Variants in FANCF observed in about 807,000 individuals in gnomAD.
FANCF encodes the protein Fanconi anemia group F protein.
For missense variants in FANCF, 552 were observed against 481.8 expected (o/e 1.15, Z -1.36); for synonymous variants, 257 against 205.9 (o/e 1.25, Z -2.13).
At position 22,624,555 on chromosome 11, in the gene FANCF, A is replaced by AT. The variant is rs1565054705; in HGVS notation, c.*130_*131insA. ...CTACTTTGCATATTTATAACTGTTT[A>AT]ATAAACTATTCAAAATTAGCATCTA... On this transcript the variant is annotated 3_prime_UTR_variant, in exon 1 of 1. Coordinates refer to ENST00000327470, the MANE Select transcript of FANCF (RefSeq NM_022725.4). 1 of 838,294 alleles carries AT rather than the reference A, an allele frequency of 1.2e-6. No individual in the cohort carries two copies. Among genetic ancestry groups the AT allele is most frequent in the African/African-American group, 1.7e-5 (1 of 58,486 alleles). The allele number at this position is 838,294 out of a possible 1,614,324, so 51.9% of individuals were successfully genotyped here. A position where few individuals can be genotyped will look rare whatever the true frequency, so the allele number is the denominator to read the frequency against.
chr11:22,624,931 A>G lies in FANCF; in HGVS notation c.880T>C (p.Trp294Arg). The change falls in exon 1 of 1, where the codon TGG becomes CGG. Residue 294 changes from tryptophan (W) to arginine (R), a missense_variant. Coordinates refer to ENST00000327470, the MANE Select transcript of FANCF (RefSeq NM_022725.4). ...RLHYDLQKGIWVGTESQDVPW... is the reference protein window; with the variant it reads ...RLHYDLQKGIRVGTESQDVPW... ...ACATCTTGGGACTCAGTTCCAACCCAAATGCCTTTCTGAAGGTCATAGTGC... is the reference window on the plus strand; with the variant it reads ...ACATCTTGGGACTCAGTTCCAACCCGAATGCCTTTCTGAAGGTCATAGTGC... 1 of 1,614,142 alleles carries G rather than the reference A, an allele frequency of 6.2e-7. No homozygotes were observed. The highest frequency in any genetic ancestry group is 1.1e-5 in the South Asian group (1 of 91,084).
Position 22,623,390 on chromosome 11 carries a change from T to C in FANCF, c.*1296A>G, listed in dbSNP as rs1480781148. ...ATCCTCTTACCAGCTAACCTGGATA[T>C]GGACAAAAATATCTTGATTGCTGTA... On this transcript the variant is annotated 3_prime_UTR_variant, in exon 1 of 1. Transcript: ENST00000327470. 1 of 201,616 alleles carries C rather than the reference T, an allele frequency of 5.0e-6. No individual in the cohort carries two copies. Among genetic ancestry groups the C allele is most frequent in the Non-Finnish European group, 1.0e-5 (1 of 98,118 alleles). The allele number at this position is 201,616 out of a possible 1,614,324, so 12.5% of individuals were successfully genotyped here. A position where few individuals can be genotyped will look rare whatever the true frequency, so the allele number is the denominator to read the frequency against.
chr11:22,624,566 C>A lies in FANCF; in HGVS notation c.*120G>T. The A allele has an allele frequency of 1.1e-6, 1 of 906,798 alleles. No homozygotes were observed. The allele number at this position is 906,798 out of a possible 1,614,324, so 56.2% of individuals were successfully genotyped here. On this transcript the variant is annotated 3_prime_UTR_variant, in exon 1 of 1. Coordinates refer to ENST00000327470, the MANE Select transcript of FANCF (RefSeq NM_022725.4). ...ATTTATAACTGTTTAATAAACTATT[C>A]AAAATTAGCATCTAAAATAATTATA... is the stretch of plus-strand genomic sequence containing the variant.
Position 22,625,265 on chromosome 11 carries a change from C to T in FANCF, c.546G>A (p.Ala182=), listed in dbSNP as rs1858626450. 6.2e-7 allele frequency: 1 copy of T among 1,614,064 alleles called. No individual in the cohort carries two copies. The highest frequency in any genetic ancestry group is 1.3e-5 in the African/African-American group (1 of 74,958). ...ERLQEVGKAE[A]ERPARFLSSL... is the part of the protein sequence containing the mutation. Reference sequence around the variant, plus strand: ...TGCTGAGAAACCTGGCGGGACGCTCCGCTTCGGCCTTCCCCACCTCCTGCA... The same window carrying T: ...TGCTGAGAAACCTGGCGGGACGCTCTGCTTCGGCCTTCCCCACCTCCTGCA... The change falls in exon 1 of 1, where the codon GCG becomes GCA. Residue 182 remains alanine, a synonymous_variant. Coordinates refer to ENST00000327470, the MANE Select transcript of FANCF (RefSeq NM_022725.4).
Position 22,625,775 on chromosome 11 carries a change from G to A in FANCF, c.36C>T (p.Ser12=), listed in dbSNP as rs1353229536. 15 of 1,614,000 alleles carry A rather than the reference G, an allele frequency of 9.3e-6. No individual in the cohort carries two copies. The highest frequency in any genetic ancestry group is 2.7e-5 in the African/African-American group (2 of 74,922). Reference sequence around the variant, plus strand: ...TAGTGCTTGAGACCGCCAGAAGCTCGGAAAAGCGATCCAGGTGCTGCAGAA... The same window carrying A: ...TAGTGCTTGAGACCGCCAGAAGCTCAGAAAAGCGATCCAGGTGCTGCAGAA... The part of the protein sequence containing the change: ...ESLLQHLDRF[S]ELLAVSSTTY... Residue 12 remains serine, a synonymous_variant, in exon 1 of 1, where the codon TCC becomes TCT. Coordinates refer to ENST00000327470, the MANE Select transcript of FANCF (RefSeq NM_022725.4).
rs1052722344 is a variant in FANCF at position 22,622,753 on chromosome 11, A to T, written c.*1933T>A. 1 of 192,880 alleles carries T rather than the reference A, an allele frequency of 5.2e-6. No individual in the cohort carries two copies. Among genetic ancestry groups the T allele is most frequent in the Non-Finnish European group, 1.1e-5 (1 of 92,470 alleles). The allele number at this position is 192,880 out of a possible 1,614,324, so 11.9% of individuals were successfully genotyped here. A position where few individuals can be genotyped will look rare whatever the true frequency, so the allele number is the denominator to read the frequency against. ...GTTTATACCCTTGGGCATTTTACTTAATCTTTTAGCGTATATTCATAAGAA... is the reference window on the plus strand; with the variant it reads ...GTTTATACCCTTGGGCATTTTACTTTATCTTTTAGCGTATATTCATAAGAA... On this transcript the variant is annotated 3_prime_UTR_variant, in exon 1 of 1. Coordinates refer to ENST00000327470, the MANE Select transcript of FANCF (RefSeq NM_022725.4).
In FANCF at chr11:22,622,965, G is replaced by A. The variant is rs1357123972; in HGVS notation, c.*1721C>T. 5.0e-6 allele frequency: 1 copy of A among 200,364 alleles called. No homozygotes were observed. Among genetic ancestry groups the A allele is most frequent in the Non-Finnish European group, 1.0e-5 (1 of 97,330 alleles). The allele number at this position is 200,364 out of a possible 1,614,324, so 12.4% of individuals were successfully genotyped here. On this transcript the variant is annotated 3_prime_UTR_variant, in exon 1 of 1. Transcript: ENST00000327470. The stretch of plus-strand genomic sequence containing the variant: ...TACAGCTGCAAATATAGGGAAGTAA[G>A]TTCACAAACTGTTATTTTCTAAAGC...
Position 22,624,945 on chromosome 11 carries a change from A to T in FANCF, c.866T>A (p.Leu289His), listed in dbSNP as rs1177443868. 1.2e-6 allele frequency: 2 copies of T among 1,614,190 alleles called. No homozygotes were observed. The highest frequency in any genetic ancestry group is 8.5e-7 in the Non-Finnish European group (1 of 1,180,034). ...TDWGQRLHYDLQKGIWVGTES... is the reference protein window; with the variant it reads ...TDWGQRLHYDHQKGIWVGTES... ...AGTTCCAACCCAAATGCCTTTCTGAAGGTCATAGTGCAAACGTTGACCCCA... is the reference window on the plus strand; with the variant it reads ...AGTTCCAACCCAAATGCCTTTCTGATGGTCATAGTGCAAACGTTGACCCCA... Residue 289 changes from leucine (L) to histidine (H), a missense_variant, in exon 1 of 1, where the codon CTT becomes CAT. Leu to His is a moderately conservative substitution (Grantham distance 99). Transcript: ENST00000327470.
rs1200307295 is a variant in FANCF, at chr11:22,623,834, A to C, written c.*852T>G. ...ATGGTGAAACCCCGTCTCTACTAAA[A>C]ATACAAAAAATTAGCCGGGCATGGT... On this transcript the variant is annotated 3_prime_UTR_variant, in exon 1 of 1. Coordinates refer to ENST00000327470, the MANE Select transcript of FANCF (RefSeq NM_022725.4). 5.5e-6 allele frequency: 1 copy of C among 182,124 alleles called. No homozygotes were observed. The highest frequency in any genetic ancestry group is 1.2e-5 in the Non-Finnish European group (1 of 85,498). 11.3% of individuals were successfully genotyped at this position (182,124 alleles called of 1,614,324 possible).
rs962319319 is a variant in FANCF at position 22,625,761 on chromosome 11, A to G, written c.50T>C (p.Val17Ala). The G allele has an allele frequency of 2.9e-5, 47 of 1,614,148 alleles. No homozygotes were observed. Among genetic ancestry groups the G allele is most frequent in the Non-Finnish European group, 3.9e-5 (46 of 1,180,050 alleles). Reference protein sequence around the residue: ...HLDRFSELLAVSSTTYVSTWD... With the variant: ...HLDRFSELLAASSTTYVSTWD... ...GGTGCTGACGTAGGTAGTGCTTGAGACCGCCAGAAGCTCGGAAAAGCGATC... is the reference window on the plus strand; with the variant it reads ...GGTGCTGACGTAGGTAGTGCTTGAGGCCGCCAGAAGCTCGGAAAAGCGATC... Residue 17 changes from valine to alanine, a missense_variant, in exon 1 of 1, where the codon GTC becomes GCC. By Grantham distance (64) the Val-to-Ala change is moderately conservative (BLOSUM62 0). Transcript: ENST00000327470.
rs1029647387 is a variant in FANCF, at chr11:22,625,356, C to T, written c.455G>A (p.Arg152Lys). ...GTCCTCCTGGAGATTTGGGTTCTCT[C>T]TATAGCCATTGAAGCGCAGCATGTG... ...AVHMLRFNGY[R>K]ENPNLQEDSL... Residue 152 changes from arginine (R) to lysine (K), a missense_variant, in exon 1 of 1, where the codon AGA (arginine) becomes AAA (lysine). Physicochemically the swap from Arg to Lys is conservative, Grantham distance 26 (BLOSUM62 2). Coordinates refer to ENST00000327470, the MANE Select transcript of FANCF (RefSeq NM_022725.4). 3.7e-6 allele frequency: 6 copies of T among 1,614,238 alleles called. No homozygotes were observed. The highest frequency in any genetic ancestry group is 5.1e-6 in the Non-Finnish European group (6 of 1,180,042).
rs761166760 is a variant in FANCF, at chr11:22,625,732, C to A, written c.79G>T (p.Asp27Tyr). Residue 27 changes from aspartate (D) to tyrosine (Y), a missense_variant, in exon 1 of 1, where the codon GAC becomes TAC. By Grantham distance (160) the Asp-to-Tyr change is radical (BLOSUM62 -3). Transcript: ENST00000327470. ...AAGGCCCGGCGCACGGTGGCGGGGT[C>A]CCAGGTGCTGACGTAGGTAGTGCTT... ...VSSTTYVSTW[D>Y]PATVRRALQW... is the part of the protein sequence containing the mutation. 3 of 1,614,026 alleles carry A rather than the reference C, an allele frequency of 1.9e-6. No homozygotes were observed. Among genetic ancestry groups the A allele is most frequent in the Non-Finnish European group, 2.5e-6 (3 of 1,180,048 alleles).
In FANCF at chr11:22,624,007, G is replaced by C. The variant is rs1402324266; in HGVS notation, c.*679C>G. ...CTCCATCTCAAAAAAAAAAAAGTTT[G>C]ATTCTTTTATCATCAAGCATTAATT... On this transcript the variant is annotated 3_prime_UTR_variant, in exon 1 of 1. Coordinates refer to ENST00000327470, the MANE Select transcript of FANCF (RefSeq NM_022725.4). 4.5e-6 allele frequency: 1 copy of C among 222,940 alleles called. No individual in the cohort carries two copies. Among genetic ancestry groups the C allele is most frequent in the Non-Finnish European group, 8.9e-6 (1 of 111,944 alleles). 13.8% of individuals were successfully genotyped at this position (222,940 alleles called of 1,614,324 possible).
In FANCF at chr11:22,624,217, TA is replaced by T. The variant is rs1858603799; in HGVS notation, c.*468del. ...AAGGCTGGTTAACTGGTTAGAATAC[TA>T]GGTTAACAAGGCCAAACTCCAGATA... is the stretch of plus-strand genomic sequence containing the variant. On this transcript the variant is annotated 3_prime_UTR_variant, in exon 1 of 1. Transcript: ENST00000327470. The T allele has an allele frequency of 3.7e-6, 1 of 270,950 alleles. No individual in the cohort carries two copies. Among genetic ancestry groups the T allele is most frequent in the South Asian group, 8.7e-5 (1 of 11,552 alleles). 16.8% of individuals were successfully genotyped at this position (270,950 alleles called of 1,614,324 possible).
chr11:22,623,117 G>A lies in FANCF; in HGVS notation c.*1569C>T, dbSNP rs1858581848. Reference sequence around the variant, plus strand: ...TAATGATAAATGTAATCTACAAGATGGCCTTCATGGATTAGAAAAAGGAAT... The same window carrying A: ...TAATGATAAATGTAATCTACAAGATAGCCTTCATGGATTAGAAAAAGGAAT... On this transcript the variant is annotated 3_prime_UTR_variant, in exon 1 of 1. Transcript: ENST00000327470. The A allele has an allele frequency of 9.5e-6, 2 of 210,114 alleles. No homozygotes were observed. Among genetic ancestry groups the A allele is most frequent in the Non-Finnish European group, 1.9e-5 (2 of 103,482 alleles). 13.0% of individuals were successfully genotyped at this position (210,114 alleles called of 1,614,324 possible).
chr11:22,625,221 G>A lies in FANCF; in HGVS notation c.590C>T (p.Pro197Leu), dbSNP rs1858625316. The A allele has an allele frequency of 6.2e-7, 1 of 1,614,086 alleles. No individual in the cohort carries two copies. Among genetic ancestry groups the A allele is most frequent in the Non-Finnish European group, 8.5e-7 (1 of 1,180,024 alleles). ...RFLSSLWERL[P>L]QNNFLKVIAV... ...TATCACCTTCAGGAAGTTGTTCTGAGGCAAGCGCTCCCACAGGCTGCTGAG... is the reference window on the plus strand; with the variant it reads ...TATCACCTTCAGGAAGTTGTTCTGAAGCAAGCGCTCCCACAGGCTGCTGAG... The change falls in exon 1 of 1, where the codon CCT becomes CTT. Residue 197 changes from proline (P) to leucine (L), a missense_variant. Transcript: ENST00000327470.
In FANCF at chr11:22,625,128, T is replaced by C. The variant is rs766802308; in HGVS notation, c.683A>G (p.Lys228Arg). ...CACTTGGCTCCCCTCTCCAGGTGAT[T>C]TGTGGATGCCGGGTTCCAACTCTTC... Reference protein sequence around the residue: ...PQEELEPGIHKSPGEGSQVLV... With the variant: ...PQEELEPGIHRSPGEGSQVLV... The change falls in exon 1 of 1, where the codon AAA (lysine) becomes AGA (arginine). Residue 228 changes from lysine (K) to arginine (R), a missense_variant. Coordinates refer to ENST00000327470, the MANE Select transcript of FANCF (RefSeq NM_022725.4). The C allele has an allele frequency of 5.6e-6, 9 of 1,608,588 alleles. No individual in the cohort carries two copies. The highest frequency in any genetic ancestry group is 5.5e-5 in the South Asian group (5 of 90,838).
At position 22,623,630 on chromosome 11, in the gene FANCF, T is replaced by C. The variant is rs752729415; in HGVS notation, c.*1056A>G. 1.1e-5 allele frequency: 2 copies of C among 189,380 alleles called. No homozygotes were observed. The highest frequency in any genetic ancestry group is 2.3e-5 in the African/African-American group (1 of 42,850). 11.7% of individuals were successfully genotyped at this position (189,380 alleles called of 1,614,324 possible). ...ACTTCATTTACATATAAGGCAACTG[T>C]GGCCCCAAGGTTGTGATTTATTAAC... On this transcript the variant is annotated 3_prime_UTR_variant, in exon 1 of 1. Transcript: ENST00000327470.
In FANCF at chr11:22,624,639, A is replaced by T. The variant is rs1440743519; in HGVS notation, c.*47T>A. On this transcript the variant is annotated 3_prime_UTR_variant, in exon 1 of 1. Coordinates refer to ENST00000327470, the MANE Select transcript of FANCF (RefSeq NM_022725.4). Reference sequence around the variant, plus strand: ...ATTTGGTGAGAACATTGTAATTTTCATTTTGTAAACTATATATTCTATATT... The same window carrying T: ...ATTTGGTGAGAACATTGTAATTTTCTTTTTGTAAACTATATATTCTATATT... 6.4e-7 allele frequency: 1 copy of T among 1,561,430 alleles called. No individual in the cohort carries two copies. Among genetic ancestry groups the T allele is most frequent in the African/African-American group, 1.4e-5 (1 of 73,712 alleles).
Sources: allele counts gnomAD v4.1 joint callset, GRCh38; gene constraint gnomAD v4.1.1; transcripts MANE v1.5; gene names NCBI Gene and HGNC (gene_info 2026-07-23, HGNC 2026-07-21).